DSCAM: variants seen among roughly 807,000 people sequenced by gnomAD.
DSCAM encodes the protein cell adhesion molecule DSCAM.
Under a neutral mutation model 217.7 loss-of-function variants are expected in DSCAM, and 47 were observed. The ratio of observed to expected loss-of-function variants is 0.22; its 90% CI spans 0.17 to 0.28. The LOEUF (loss-of-function observed/expected upper bound fraction) is 0.28. Among genes scored for constraint, DSCAM ranks in the 10% least tolerant of loss-of-function variants. The probability of loss-of-function intolerance (pLI) is 1.00; values close to 1 mark genes in which losing one functional copy is unlikely to be tolerated. For synonymous variants in DSCAM, 1,056 were observed against 1,015.3 expected, an observed-to-expected ratio of 1.04 and a Z score of -0.76; for missense variants, 2,080 against 2,618.3, an observed-to-expected ratio of 0.79 and a Z score of 4.49.
At chr21:40,014,117 G>A (rs907243727) in intron 32 of DSCAM, among the ~76,000 whole-genome samples, 4 of 152,218 alleles carry the variant, frequency 2.6e-5, no homozygotes, top group Admixed American at 1.3e-4. Context: ...GGCTGGGCAC[G>A]GTGTGCCTCA....
intron 20 of DSCAM, among the ~76,000 whole-genome samples, chr21:40,114,804 C>G (rs896904232): frequency 5.9e-5 from 9 of 152,218 alleles, no homozygotes; most frequent in Non-Finnish European, 1.2e-4. Flanking sequence ...CCAAAAGACA[C>G]ATGACAAAAT....
intron 3 of DSCAM, among the ~76,000 whole-genome samples, chr21:40,476,671 T>A (rs1328558349): frequency 6.6e-6 from 1 of 152,092 alleles, no homozygotes; most frequent in Non-Finnish European, 1.5e-5. Flanking sequence ...GGAAAGAATT[T>A]ATTCTTTGCT....
intron 3 of DSCAM, among the ~76,000 whole-genome samples, chr21:40,481,097 T>C (rs1233000453): frequency 6.6e-6 from 1 of 152,154 alleles, no homozygotes; most frequent in African/African-American, 2.4e-5. Context: ...TCAAATAAAC[T>C]TGGGCATACA....
intron 21 of DSCAM, among the ~76,000 whole-genome samples, chr21:40,091,739 G>T (rs983980005): frequency 1.3e-5 from 2 of 152,134 alleles, no homozygotes; most frequent in Non-Finnish European, 2.9e-5. Context: ...ATGGCAGAAG[G>T]TGAATGAGGA....
chr21:40,359,235 T>C (rs967688035), intron 4 of DSCAM, among the ~76,000 whole-genome samples: 1 of 152,122 alleles, frequency 6.6e-6, no homozygotes, highest in African/African-American at 2.4e-5. Flanking sequence ...CTTGCTGGAG[T>C]GCCAGCCTTC....
At chr21:40,033,431 C>T (rs552694163) in intron 32 of DSCAM, among the ~76,000 whole-genome samples, 46 of 152,274 alleles carry the variant, frequency 3.0e-4, no homozygotes, top group African/African-American at 1.0e-3. Context: ...CCTGGAAAAT[C>T]GGGTCACTCC....
intron 9 of DSCAM, among the ~76,000 whole-genome samples, chr21:40,310,499 A>G (rs2074125739): frequency 6.6e-6 from 1 of 152,280 alleles, no homozygotes; most frequent in African/African-American, 2.4e-5. Flanking sequence ...TTGAAGAACA[A>G]TCACATGGAG....
intron 11 of DSCAM, among the ~76,000 whole-genome samples, chr21:40,248,035 C>T (rs1175198120): frequency 6.6e-6 from 1 of 152,222 alleles, no homozygotes; most frequent in Non-Finnish European, 1.5e-5. Flanking sequence ...ATGGCCTGAG[C>T]TGTCCCTTCG....
intron 3 of DSCAM, among the ~76,000 whole-genome samples, chr21:40,507,040 A>T (rs1032264595): frequency 3.3e-5 from 5 of 152,334 alleles, no homozygotes; most frequent in Non-Finnish European, 7.4e-5. Context: ...GCACTGTGGG[A>T]GGCCGAGGCA....
At chr21:40,549,387 C>G (rs957497167) in intron 3 of DSCAM, among the ~76,000 whole-genome samples, 2 of 151,940 alleles carry the variant, frequency 1.3e-5, no homozygotes, top group Non-Finnish European at 2.9e-5. Context: ...TCATTTACTT[C>G]GAGATAAAAA....
intron 3 of DSCAM, among the ~76,000 whole-genome samples, chr21:40,636,709 GA>G (rs35170605): frequency 0.14 from 19,870 of 139,742 alleles, 1,676 homozygotes; most frequent in Admixed American, 0.25. Context: ...AACTTGCTAG[GA>G]AAAAAAAAAT....
chr21:40,803,457 A>T (rs1024465195), intron 1 of DSCAM, among the ~76,000 whole-genome samples: 1 of 152,098 alleles, frequency 6.6e-6, no homozygotes, highest in Non-Finnish European at 1.5e-5. Flanking sequence ...AAAACACAAA[A>T]TGTTCATGAA....
intron 3 of DSCAM, among the ~76,000 whole-genome samples, chr21:40,529,955 T>C (rs988197904): frequency 6.6e-6 from 1 of 152,194 alleles, no homozygotes; most frequent in Admixed American, 6.5e-5. Context: ...CCAGCAATAC[T>C]TTGGAGAAAC....
At chr21:40,704,554 A>ATT (rs112741609) in intron 2 of DSCAM, among the ~76,000 whole-genome samples, 3 of 148,996 alleles carry the variant, frequency 2.0e-5, no homozygotes, top group African/African-American at 4.9e-5. Flanking sequence ...CCTCTACAAA[A>ATT]TTTTTTTTTT....
At chr21:40,323,427 G>T (rs1464500733) in intron 8 of DSCAM, among the ~76,000 whole-genome samples, 2 of 152,182 alleles carry the variant, frequency 1.3e-5, no homozygotes, top group Non-Finnish European at 2.9e-5. Flanking sequence ...GACTAGAAGA[G>T]AATTAGTGCT....
chr21:40,374,393 G>C (rs556547668), intron 3 of DSCAM, among the ~76,000 whole-genome samples: 6 of 152,200 alleles, frequency 3.9e-5, no homozygotes, highest in African/African-American at 1.4e-4. Flanking sequence ...CTTATGAAAG[G>C]CAACCGCATA....
At chr21:40,710,855 C>T (rs951922279) in intron 1 of DSCAM, among the ~76,000 whole-genome samples, 8 of 152,230 alleles carry the variant, frequency 5.3e-5, no homozygotes, top group African/African-American at 1.4e-4. Flanking sequence ...CCAGATATTT[C>T]GAATGAACTT....
At chr21:40,067,559 T>C (rs995632565) in intron 27 of DSCAM, among the ~76,000 whole-genome samples, 5 of 152,212 alleles carry the variant, frequency 3.3e-5, no homozygotes, top group African/African-American at 4.8e-5. Context: ...ACTTGTGTAA[T>C]AGTTCTTTGT....
At chr21:40,381,078 A>AAG (rs1555911742) in intron 3 of DSCAM, among the ~76,000 whole-genome samples, 2 of 150,548 alleles carry the variant, frequency 1.3e-5, no homozygotes, top group Admixed American at 1.3e-4. Context: ...AAAAAAAAAA[A>AAG]AAAAAAGAAA....
Sources: gnomAD v4.1 joint callset for allele counts (sites outside exome capture counted in the v4.1 genomes callset) on GRCh38, gnomAD v4.1.1 for gene constraint, MANE v1.5 for transcripts, NCBI Gene and HGNC (gene_info 2026-07-23, HGNC 2026-07-21) for gene names.